Variants in WDSUB1 observed in about 807,000 individuals in gnomAD.
WDSUB1 encodes WD repeat, sterile alpha motif and U-box domain containing 1.
WDSUB1 carries 49 observed loss-of-function variants against 53.9 expected under a neutral mutation model. That is an observed-to-expected ratio of 0.91 (90% CI 0.72 to 1.15). The LOEUF (loss-of-function observed/expected upper bound fraction) is 1.15. Ranked by LOEUF, WDSUB1 falls within the 50% of genes most tolerant of loss-of-function variation. The probability of loss-of-function intolerance (pLI) is 0.00; values close to 1 mark genes in which losing one functional copy is unlikely to be tolerated. For synonymous variants in WDSUB1, 194 were observed against 200.6 expected (o/e 0.97, Z 0.28); for missense variants, 514 against 562.0 (o/e 0.91, Z 0.86).
At chr2:159,277,973 A>AGT (rs1304769024) in intron 3 of WDSUB1, among the ~76,000 whole-genome samples, 1 of 152,186 alleles carries the variant, frequency 6.6e-6, no homozygotes, top group Non-Finnish European at 1.5e-5. Context: ...TGCCTGGTTT[A>AGT]GTGAGCCTTT....
chr2:159,271,864 A>G, intron 4 of WDSUB1, 69 bp from the exon 5 acceptor site: 2 of 1,215,232 alleles, frequency 1.6e-6, no homozygotes, highest in Admixed American at 4.5e-5. Context: ...AGTCAACACC[A>G]TTTCACTTAT....
intron 9 of WDSUB1, among the ~76,000 whole-genome samples, chr2:159,251,121 C>T (rs939546219): frequency 6.6e-6 from 1 of 150,762 alleles, no homozygotes; most frequent in Non-Finnish European, 1.5e-5. Flanking sequence ...TAAAAATTAG[C>T]TGGGCATGGT....
chr2:159,281,520 CAA>C (rs1308257753), intron 2 of WDSUB1, among the ~76,000 whole-genome samples: 1 of 152,008 alleles, frequency 6.6e-6, no homozygotes, highest in African/African-American at 2.4e-5. Flanking sequence ...TGGTTTTTTC[CAA>C]AAGAGTTTTT....
At chr2:159,242,433 G>A (rs1313933812) in intron 10 of WDSUB1, among the ~76,000 whole-genome samples, 2 of 146,342 alleles carry the variant, frequency 1.4e-5, no homozygotes, top group Non-Finnish European at 3.0e-5. Flanking sequence ...TTGGGAGGCG[G>A]GCAGATCACC....
intron 4 of WDSUB1, 111 bp from the exon 5 acceptor site, chr2:159,271,906 G>T: frequency 1.2e-6 from 1 of 840,292 alleles, no homozygotes; most frequent in African/African-American, 1.7e-5. Context: ...AGTGCCTAAA[G>T]GACACAAAAA....
chr2:159,249,495 ACTTT>A (rs1420343458), intron 9 of WDSUB1, among the ~76,000 whole-genome samples: 1 of 152,122 alleles, frequency 6.6e-6, no homozygotes, highest in South Asian at 2.1e-4. Context: ...AGCCAAACCA[ACTTT>A]CTTTCTGTTG....
chr2:159,272,633 G>A (rs914323792), intron 4 of WDSUB1, among the ~76,000 whole-genome samples: 1 of 152,092 alleles, frequency 6.6e-6, no homozygotes, highest in Non-Finnish European at 1.5e-5. Context: ...TTTAGTGTCT[G>A]ATAAAAACAA....
chr2:159,246,292 C>A (rs186781632), intron 10 of WDSUB1, among the ~76,000 whole-genome samples: 31 of 151,944 alleles, frequency 2.0e-4, no homozygotes, highest in African/African-American at 7.2e-4. Flanking sequence ...ATTAGCCGGG[C>A]GTGGTGGTGG....
At chr2:159,249,673 G>T (rs1425544649) in intron 9 of WDSUB1, among the ~76,000 whole-genome samples, 1 of 152,072 alleles carries the variant, frequency 6.6e-6, no homozygotes, top group Non-Finnish European at 1.5e-5. Context: ...CCTCTTGGGG[G>T]CTATTTGCTT....
chr2:159,266,770 T>G (rs1392102997), intron 5 of WDSUB1, among the ~76,000 whole-genome samples: 1 of 151,894 alleles, frequency 6.6e-6, no homozygotes. Flanking sequence ...TTCTCAGGGG[T>G]TTTTTTGTTG....
intron 5 of WDSUB1, among the ~76,000 whole-genome samples, chr2:159,269,786 G>T (rs1296583734): frequency 6.6e-6 from 1 of 151,852 alleles, no homozygotes; most frequent in East Asian, 1.9e-4. Flanking sequence ...CAAAGATGTA[G>T]GAAAAATCAT....
intron 8 of WDSUB1, among the ~76,000 whole-genome samples, chr2:159,257,241 A>G (rs973618621): frequency 6.6e-6 from 1 of 152,100 alleles, no homozygotes; most frequent in Non-Finnish European, 1.5e-5. Flanking sequence ...GGCTCACGCA[A>G]TCCATCCACC....
At chr2:159,266,343 A>C (rs918318191) in intron 5 of WDSUB1, among the ~76,000 whole-genome samples, 1 of 151,900 alleles carries the variant, frequency 6.6e-6, no homozygotes, top group Admixed American at 6.6e-5. Flanking sequence ...CACCCGCCAC[A>C]ACGCCCGGCT....
At chr2:159,256,686 A>G (rs2151088710) in intron 8 of WDSUB1, among the ~76,000 whole-genome samples, 1 of 152,298 alleles carries the variant, frequency 6.6e-6, no homozygotes, top group South Asian at 2.1e-4. Context: ...TTATTATATA[A>G]AATTCATACC....
At chr2:159,278,434 G>C (rs2061587367) in intron 3 of WDSUB1, among the ~76,000 whole-genome samples, 1 of 152,180 alleles carries the variant, frequency 6.6e-6, no homozygotes, top group Non-Finnish European at 1.5e-5. Context: ...CCTGCCTGGA[G>C]CTTACAAGCT....
intron 5 of WDSUB1, among the ~76,000 whole-genome samples, chr2:159,261,615 C>G (rs75582893): frequency 0.082 from 12,518 of 151,740 alleles, 1,155 homozygotes; most frequent in African/African-American, 0.22. Flanking sequence ...TTAAAACACA[C>G]ACACAACTAA....
intron 5 of WDSUB1, among the ~76,000 whole-genome samples, chr2:159,263,361 C>CAAA (rs1412625185): frequency 1.3e-5 from 2 of 151,948 alleles, no homozygotes; most frequent in Non-Finnish European, 2.9e-5. Context: ...AAAGATAGAG[C>CAAA]AAAAACAAAA....
chr2:159,257,060 G>A (rs1486486022), intron 8 of WDSUB1, among the ~76,000 whole-genome samples: 2 of 152,032 alleles, frequency 1.3e-5, no homozygotes. Context: ...GTACAGTGGC[G>A]TGTTCTCAGC....
chr2:159,277,144 A>G (rs2061558046), intron 3 of WDSUB1, among the ~76,000 whole-genome samples: 1 of 152,240 alleles, frequency 6.6e-6, no homozygotes, highest in Admixed American at 6.5e-5. Flanking sequence ...CAAACACTTT[A>G]CTAACGAACA....
Sources: gnomAD v4.1 joint callset for allele counts (sites outside exome capture counted in the v4.1 genomes callset) on GRCh38, gnomAD v4.1.1 for gene constraint, MANE v1.5 for transcripts, NCBI Gene and HGNC (gene_info 2026-07-23, HGNC 2026-07-21) for gene names.